Variants in ZNG1B observed in about 807,000 individuals in gnomAD.
ZNG1B encodes zinc-regulated GTPase metalloprotein activator 1B.
the ZNG1B span, among the ~76,000 whole-genome samples, chr2:113,476,562 C>T: frequency 2.5e-3 from 367 of 147,782 alleles, 5 homozygotes; most frequent in African/African-American, 8.6e-3. Flanking sequence ...GGAGGAGAGG[C>T]GCTGCGTTCC....
chr2:113,474,188 A>G, the ZNG1B span, among the ~76,000 whole-genome samples: 2 of 152,130 alleles, frequency 1.3e-5, no homozygotes, highest in Non-Finnish European at 2.9e-5. Flanking sequence ...CTATTCAGAG[A>G]TTCAACTTCT....
chr2:113,462,285 T>C, the ZNG1B span: 1 of 1,023,992 alleles, frequency 9.8e-7, no homozygotes, highest in South Asian at 1.6e-5. Context: ...TTAACTGATA[T>C]ATTGATCTAC....
the ZNG1B span, among the ~76,000 whole-genome samples, chr2:113,474,531 C>G: frequency 1.3e-5 from 2 of 148,818 alleles, no homozygotes; most frequent in Non-Finnish European, 3.0e-5. Flanking sequence ...CTTCTGCTAG[C>G]TTTTGAATGT....
At chr2:113,475,592 C>A in the ZNG1B span, among the ~76,000 whole-genome samples, 1 of 151,988 alleles carries the variant, frequency 6.6e-6, no homozygotes, top group South Asian at 2.1e-4. Flanking sequence ...CTTGGATGGT[C>A]TTTACATTTT....
the ZNG1B span, chr2:113,462,560 CTGAT>C: frequency 1.3e-6 from 2 of 1,543,716 alleles, no homozygotes; most frequent in African/African-American, 2.7e-5. Context: ...ATTTTTTACT[CTGAT>C]TGTTGCCCTG....
the ZNG1B span, chr2:113,441,575 A>C: frequency 1.6e-6 from 1 of 614,180 alleles, no homozygotes; most frequent in Non-Finnish European, 2.9e-6. Context: ...AGTTGGATTA[A>C]TTTCTGTTAA....
At chr2:113,472,473 G>C in the ZNG1B span, among the ~76,000 whole-genome samples, 1 of 151,764 alleles carries the variant, frequency 6.6e-6, no homozygotes. Flanking sequence ...TTGCTGTGCA[G>C]AAGCTGTTTA....
the ZNG1B span, among the ~76,000 whole-genome samples, chr2:113,457,488 T>TA: frequency 7.2e-6 from 1 of 138,268 alleles, no homozygotes; most frequent in African/African-American, 2.7e-5. Flanking sequence ...GGTTTTAAGA[T>TA]AGTTTTTTCT....
At chr2:113,455,876 G>T in the ZNG1B span, among the ~76,000 whole-genome samples, 95 of 133,666 alleles carry the variant, frequency 7.1e-4, no homozygotes, top group African/African-American at 2.6e-3. Flanking sequence ...ACACCACCAT[G>T]CCCAGCTAAT....
the ZNG1B span, chr2:113,466,936 C>A: frequency 0.01 from 3,992 of 382,614 alleles, 4 homozygotes; most frequent in Non-Finnish European, 0.013. Context: ...TGGTGGTGGG[C>A]GCCTGTAGTC....
At chr2:113,475,929 C>T in the ZNG1B span, among the ~76,000 whole-genome samples, 22 of 152,194 alleles carry the variant, frequency 1.4e-4, no homozygotes, top group Admixed American at 7.9e-4. Flanking sequence ...AACATTTTTT[C>T]CTTCATTTCA....
the ZNG1B span, chr2:113,439,254 G>A: frequency 2.7e-6 from 4 of 1,477,822 alleles, no homozygotes; most frequent in African/African-American, 2.8e-5. Context: ...CTGTTCTTTT[G>A]GCTTCTATTA....
the ZNG1B span, chr2:113,445,349 A>G: frequency 6.5e-6 from 2 of 306,804 alleles, no homozygotes; most frequent in Admixed American, 4.6e-5. Context: ...TAGGAAGAGC[A>G]GAGACGTTCT....
the ZNG1B span, chr2:113,462,401 A>G: frequency 6.3e-7 from 1 of 1,597,950 alleles, no homozygotes; most frequent in South Asian, 1.1e-5. Context: ...TCTGTTTGCT[A>G]TTTTAGGCAA....
chr2:113,474,328 G>A, the ZNG1B span, among the ~76,000 whole-genome samples: 1 of 149,174 alleles, frequency 6.7e-6, no homozygotes. Flanking sequence ...GGGATCGGTG[G>A]TGATATCCCC....
chr2:113,484,538 G>T, the ZNG1B span, among the ~76,000 whole-genome samples: 1 of 152,248 alleles, frequency 6.6e-6, no homozygotes, highest in African/African-American at 2.4e-5. Flanking sequence ...AATGCTTCAT[G>T]AGGATAGTTT....
At chr2:113,483,069 A>G in the ZNG1B span, among the ~76,000 whole-genome samples, 1 of 152,100 alleles carries the variant, frequency 6.6e-6, no homozygotes, top group Non-Finnish European at 1.5e-5. Context: ...AAAATGAATA[A>G]ATGAGAGAAA....
chr2:113,450,866 G>C, the ZNG1B span, among the ~76,000 whole-genome samples: 1 of 145,938 alleles, frequency 6.9e-6, no homozygotes, highest in Non-Finnish European at 1.5e-5. Context: ...TGTTGGAGTG[G>C]AGGGAAAGAG....
chr2:113,484,513 T>G, the ZNG1B span, among the ~76,000 whole-genome samples: 1 of 152,246 alleles, frequency 6.6e-6, no homozygotes, highest in Non-Finnish European at 1.5e-5. Context: ...GGATAGCATG[T>G]CCTGAACCCC....
Sources: gnomAD v4.1 joint callset for allele counts (sites outside exome capture counted in the v4.1 genomes callset) on GRCh38, gnomAD v4.1.1 for gene constraint, MANE v1.5 for transcripts, NCBI Gene and HGNC (gene_info 2026-07-23, HGNC 2026-07-21) for gene names.